Variants in KLK7 observed in about 807,000 individuals in gnomAD.
KLK7 encodes kallikrein-7.
In KLK7, 17 loss-of-function variants were observed where a neutral mutation model predicts 21.0. The observed-to-expected ratio is 0.81, with a 90% CI of 0.55 to 1.21. The LOEUF is 1.21. KLK7 is among the 50% of genes most tolerant of loss of function. The pLI is 0.00. For missense variants in KLK7, 330 were observed against 322.8 expected (o/e 1.02, Z -0.17); for synonymous variants, 151 against 134.6 (o/e 1.12, Z -0.85).
intron 5 of KLK7, 124 bp from the exon 6 acceptor site, chr19:50,977,815 G>A (rs112212984): frequency 4.5e-5 from 43 of 947,692 alleles, no homozygotes; most frequent in Middle Eastern, 6.7e-4. Context: ...CCAATGAGAA[G>A]AGACTCATTG....
Position 50,977,410 on chromosome 19 carries a change from G to T in KLK7, c.*126C>A. The T allele has an allele frequency of 3.7e-6, 3 of 820,734 alleles. No individual in the cohort carries two copies. Among genetic ancestry groups the T allele is most frequent in the Non-Finnish European group, 3.7e-6 (2 of 533,480 alleles). 50.8% of individuals were successfully genotyped at this position (820,734 alleles called of 1,614,324 possible). A position where few individuals can be genotyped will look rare whatever the true frequency, so the allele number is the denominator to read the frequency against. On this transcript the variant is annotated 3_prime_UTR_variant, in exon 6 of 6. Coordinates refer to ENST00000595820, the MANE Select transcript of KLK7 (RefSeq NM_005046.4). ...CCAATTTGATTGGTTTATCAACAGG[G>T]CATGAGGTTGGTTTAAATATATCTT...
chr19:50,981,642 A>C, intron 3 of KLK7, 125 bp downstream of exon 3: 2 of 888,568 alleles, frequency 2.3e-6, no homozygotes, highest in Non-Finnish European at 3.3e-6. Flanking sequence ...AGAGGCCCAG[A>C]GAGAGGAGGA....
intron 5 of KLK7, among the ~76,000 whole-genome samples, chr19:50,978,981 G>A (rs2091056825): frequency 6.6e-6 from 1 of 151,864 alleles, no homozygotes; most frequent in African/African-American, 2.4e-5. Context: ...AGGAGGGCAT[G>A]GAGAGAGAAC....
At chr19:50,979,345 C>T (rs1401192424) in intron 5 of KLK7, among the ~76,000 whole-genome samples, 5 of 152,334 alleles carry the variant, frequency 3.3e-5, no homozygotes, top group Admixed American at 6.5e-5. Context: ...TGCTGAGCCA[C>T]GCTAGTACTT....
chr19:50,982,306 A>G (rs759519655), intron 2 of KLK7, 21 bp downstream of exon 2: 2 of 1,605,988 alleles, frequency 1.2e-6, no homozygotes, highest in East Asian at 4.5e-5. Context: ...GTGAGGTCAG[A>G]CTTCCCAGTC....
At chr19:50,983,625 A>G in intron 1 of KLK7, 1 of 466,274 alleles carries the variant, frequency 2.1e-6, no homozygotes, top group East Asian at 7.1e-5. Context: ...AGATCCCTAG[A>G]GACCCAGGAA....
intron 5 of KLK7, among the ~76,000 whole-genome samples, chr19:50,979,553 C>T (rs537588289): frequency 2.0e-5 from 3 of 152,196 alleles, no homozygotes; most frequent in Non-Finnish European, 4.4e-5. Flanking sequence ...CTGGTCCCAC[C>T]CCCACTTTCT....
upstream of KLK7, chr19:50,983,950 CCCCG>C: frequency 7.8e-7 from 1 of 1,286,044 alleles, no homozygotes; most frequent in Non-Finnish European, 1.0e-6. Context: ...TTATATCACC[CCCCG>C]CCCCATGCCC....
chr19:50,978,291 A>C (rs926089238), intron 5 of KLK7, among the ~76,000 whole-genome samples: 5 of 152,094 alleles, frequency 3.3e-5, no homozygotes, highest in Admixed American at 1.3e-4. Context: ...TAGGACAGTC[A>C]TCTCTCTCCC....
At chr19:50,979,724 C>T in intron 5 of KLK7, 64 bp downstream of exon 5, 1 of 1,516,266 alleles carries the variant, frequency 6.6e-7, no homozygotes, top group Non-Finnish European at 8.9e-7. Flanking sequence ...GGGTCAAGCT[C>T]TGTCCCTGGG....
intron 5 of KLK7, among the ~76,000 whole-genome samples, chr19:50,978,245 G>A (rs73932698): frequency 0.035 from 5,377 of 152,204 alleles, 326 homozygotes; most frequent in African/African-American, 0.12. Flanking sequence ...CATGAAACTG[G>A]CCCTCACCAG....
intron 5 of KLK7, among the ~76,000 whole-genome samples, chr19:50,978,577 G>A (rs188520452): frequency 1.4e-5 from 2 of 141,262 alleles, no homozygotes; most frequent in African/African-American, 5.3e-5. Context: ...GAGAGAGATG[G>A]GGGTGGAGAA....
intron 5 of KLK7, among the ~76,000 whole-genome samples, chr19:50,978,324 A>ACCATCCCAC (rs1600108707): frequency 1.3e-5 from 2 of 151,872 alleles, no homozygotes; most frequent in East Asian, 3.9e-4. Flanking sequence ...CCTAACACTC[A>ACCATCCCAC]CCATCCCACA....
chr19:50,979,967 G>T, intron 4 of KLK7, 43 bp from the exon 5 acceptor site: 1 of 1,569,816 alleles, frequency 6.4e-7, no homozygotes, highest in East Asian at 2.3e-5. Flanking sequence ...GAGAGGATGG[G>T]GGCGAGGACC....
chr19:50,978,867 CAGAG>C (rs2091055775), intron 5 of KLK7, among the ~76,000 whole-genome samples: 2 of 110,364 alleles, frequency 1.8e-5, no homozygotes, highest in African/African-American at 7.6e-5. Flanking sequence ...AGAGAGGAGA[CAGAG>C]AGAGAGGAAA....
intron 1 of KLK7, 59 bp downstream of exon 1, chr19:50,983,792 C>T: frequency 1.6e-6 from 2 of 1,286,328 alleles, no homozygotes; most frequent in Non-Finnish European, 2.0e-6. Context: ...CAGAGTCAGG[C>T]TTGGAGCCAG....
rs138983719 is a variant in KLK7 at position 50,981,888 on chromosome 19, C to T, written c.100G>A (p.Ala34Thr). The change falls in exon 3 of 6, where the codon GCC becomes ACC. Residue 34 changes from alanine to threonine, a missense_variant. Physicochemically the swap from Ala to Thr is moderately conservative, Grantham distance 58 (BLOSUM62 0). Coordinates refer to ENST00000595820, the MANE Select transcript of KLK7 (RefSeq NM_005046.4). ...EAQGDKIIDG[A>T]PCARGSHPWQ... Reference sequence around the variant, plus strand: ...GGGTGGGAGCCTCTTGCACATGGGGCGCCATCAATAATCTTGTCACCCTGG... The same window carrying T: ...GGGTGGGAGCCTCTTGCACATGGGGTGCCATCAATAATCTTGTCACCCTGG... The T allele has an allele frequency of 2.4e-5, 39 of 1,612,680 alleles. No individual in the cohort carries two copies. Among genetic ancestry groups the T allele is most frequent in the South Asian group, 3.3e-5 (3 of 90,456 alleles).
intron 1 of KLK7, 73 bp from the exon 2 acceptor site, chr19:50,982,530 C>A: frequency 2.2e-6 from 3 of 1,393,626 alleles, no homozygotes; most frequent in South Asian, 2.8e-5. Context: ...AGCCCCTCCC[C>A]CCACAGACCC....
intron 5 of KLK7, among the ~76,000 whole-genome samples, chr19:50,978,593 A>C (rs1230859368): frequency 2.6e-5 from 3 of 116,362 alleles, no homozygotes; most frequent in South Asian, 7.0e-4. Context: ...GAGAAGAAAG[A>C]GGGAGAAGAG....
Sources: allele counts gnomAD v4.1 joint callset (sites outside exome capture counted in the v4.1 genomes callset), GRCh38; gene constraint gnomAD v4.1.1; transcripts MANE v1.5; gene names NCBI Gene and HGNC (gene_info 2026-07-23, HGNC 2026-07-21).